Variants in PDPN observed in about 807,000 individuals in gnomAD.
The protein encoded by PDPN is podoplanin.
PDPN carries 12 observed loss-of-function variants against 23.2 expected under a neutral mutation model. The ratio of observed to expected loss-of-function variants is 0.52; its 90% CI spans 0.33 to 0.84. The LOEUF is 0.84. PDPN is among the 40% of genes least tolerant of loss of function. The pLI, the probability that PDPN is intolerant of heterozygous loss-of-function variation, is 0.02. For synonymous variants in PDPN, 77 were observed against 76.7 expected, an observed-to-expected ratio of 1.00 and a Z score of -0.02; for missense variants, 199 against 212.2, an observed-to-expected ratio of 0.94 and a Z score of 0.39.
intron 1 of PDPN, among the ~76,000 whole-genome samples, chr1:13,591,958 C>A (rs114443149): frequency 1.3e-5 from 2 of 152,220 alleles, no homozygotes; most frequent in African/African-American, 4.8e-5. Context: ...CTCCACATCC[C>A]CACCAACACT....
At chr1:13,592,819 GGATTACAGGC>G (rs1375954006) in intron 1 of PDPN, among the ~76,000 whole-genome samples, 1 of 152,078 alleles carries the variant, frequency 6.6e-6, no homozygotes, top group Non-Finnish European at 1.5e-5. Flanking sequence ...CAAAGTGCTG[GGATTACAGGC>G]GTGAGCCACC....
chr1:13,615,599 TTA>T (rs1641052521), intron 5 of PDPN, among the ~76,000 whole-genome samples: 1 of 152,078 alleles, frequency 6.6e-6, no homozygotes, highest in Admixed American at 6.5e-5. Flanking sequence ...AACCTTTTTC[TTA>T]TATGAGTTGG....
At chr1:13,606,252 C>T (rs1333605572) in intron 1 of PDPN, among the ~76,000 whole-genome samples, 1 of 152,114 alleles carries the variant, frequency 6.6e-6, no homozygotes. Flanking sequence ...GATCCACCCA[C>T]CTTGGCCTCT....
chr1:13,597,280 A>C (rs995987041), intron 1 of PDPN, among the ~76,000 whole-genome samples: 1 of 152,216 alleles, frequency 6.6e-6, no homozygotes, highest in East Asian at 1.9e-4. Flanking sequence ...TCATCCATCT[A>C]CAAAGACATT....
chr1:13,608,416 C>T (rs1044758784), intron 2 of PDPN, among the ~76,000 whole-genome samples: 1 of 152,188 alleles, frequency 6.6e-6, no homozygotes, highest in Non-Finnish European at 1.5e-5. Flanking sequence ...CTGACCTGTA[C>T]ACCAGCATCT....
chr1:13,587,649 C>T (rs1406485771), intron 1 of PDPN, among the ~76,000 whole-genome samples: 1 of 152,200 alleles, frequency 6.6e-6, no homozygotes, highest in African/African-American at 2.4e-5. Flanking sequence ...AGAGAATCAA[C>T]TGATGGAGGG....
chr1:13,606,712 TA>T, intron 1 of PDPN, among the ~76,000 whole-genome samples: 1 of 151,944 alleles, frequency 6.6e-6, no homozygotes, highest in East Asian at 1.9e-4. Flanking sequence ...AATAAAAAAA[TA>T]AAAAGATGGA....
chr1:13,605,287 C>G (rs1451978825), intron 1 of PDPN, among the ~76,000 whole-genome samples: 1 of 150,870 alleles, frequency 6.6e-6, no homozygotes, highest in Non-Finnish European at 1.5e-5. Context: ...TGCCTAGAGA[C>G]AAACAAACAT....
At chr1:13,587,685 T>C (rs779906197) in intron 1 of PDPN, among the ~76,000 whole-genome samples, 2 of 152,146 alleles carry the variant, frequency 1.3e-5, no homozygotes, top group Non-Finnish European at 2.9e-5. Context: ...AGTGGACAGT[T>C]ACTGTGATGA....
chr1:13,591,003 G>A (rs1362411148), intron 1 of PDPN, among the ~76,000 whole-genome samples: 5 of 151,834 alleles, frequency 3.3e-5, no homozygotes, highest in African/African-American at 4.8e-5. Flanking sequence ...GTGCAATGGC[G>A]CGATCTTGGC....
chr1:13,614,865 A>G (rs1458328868), intron 5 of PDPN: 2 of 506,486 alleles, frequency 3.9e-6, no homozygotes, highest in East Asian at 1.1e-4. Context: ...GTCTACTTAG[A>G]CCTTATAAAT....
At chr1:13,605,390 T>C (rs1474126038) in intron 1 of PDPN, among the ~76,000 whole-genome samples, 1 of 152,220 alleles carries the variant, frequency 6.6e-6, no homozygotes, top group South Asian at 2.1e-4. Context: ...CTGTATTTAG[T>C]CATGGAATTT....
intron 1 of PDPN, among the ~76,000 whole-genome samples, chr1:13,591,059 C>T (rs571555191): frequency 1.2e-4 from 18 of 152,004 alleles, no homozygotes; most frequent in East Asian, 3.9e-4. Flanking sequence ...CTCCTGCCTC[C>T]GTCTCCTGAG....
Position 13,583,861 on chromosome 1 carries a change from G to C in PDPN, c.-173G>C. On this transcript the variant is annotated 5_prime_UTR_variant, in exon 1 of 6. Coordinates refer to ENST00000621990, the MANE Select transcript of PDPN (RefSeq NM_006474.5). ...GCAAAGTTTGCTGTCCGGCTGCCTA[G>C]GGTCTGGGAAGCTCGGGCACCCTCC... The C allele has an allele frequency of 6.3e-7, 1 of 1,597,266 alleles. No homozygotes were observed. Among genetic ancestry groups the C allele is most frequent in the South Asian group, 1.1e-5 (1 of 89,262 alleles).
At chr1:13,593,994 T>C (rs536045664) in intron 1 of PDPN, among the ~76,000 whole-genome samples, 1 of 152,328 alleles carries the variant, frequency 6.6e-6, no homozygotes, top group Non-Finnish European at 1.5e-5. Flanking sequence ...GAAAAACGTC[T>C]CCCCATGTTG....
intron 1 of PDPN, among the ~76,000 whole-genome samples, chr1:13,601,671 G>C (rs939237000): frequency 1.3e-5 from 2 of 152,144 alleles, no homozygotes; most frequent in Non-Finnish European, 2.9e-5. Context: ...CATAGTATTG[G>C]AAAGAAAAGA....
intron 1 of PDPN, chr1:13,585,498 T>TGCTCAC: frequency 7.4e-7 from 1 of 1,346,088 alleles, no homozygotes; most frequent in Non-Finnish European, 9.8e-7. Flanking sequence ...CACCGTTTTG[T>TGCTCAC]GCTCACCAGG....
chr1:13,614,302 G>T lies in PDPN; in HGVS notation c.373G>T (p.Gly125Cys). The T allele has an allele frequency of 6.5e-7, 1 of 1,548,322 alleles. No homozygotes were observed. Among genetic ancestry groups the T allele is most frequent in the South Asian group, 1.1e-5 (1 of 89,378 alleles). The change falls in exon 5 of 6, where the codon GGT (glycine) becomes TGT (cysteine). Residue 125 changes from glycine to cysteine, a missense_variant and splice_region_variant. Transcript: ENST00000621990. The stretch of plus-strand genomic sequence containing the variant: ...CTTTTTTTCTCTCTCTTGTTCAGAT[G>T]GTTTGTCAACAGTGACCCTGGTTGG... ...GDTQTTVEKD[G>C]LSTVTLVGII...
chr1:13,607,765 G>C (rs557417782), intron 2 of PDPN, among the ~76,000 whole-genome samples: 1 of 152,138 alleles, frequency 6.6e-6, no homozygotes, highest in Non-Finnish European at 1.5e-5. Context: ...TACAATGAAA[G>C]TTTTCTTGGG....
Sources: allele counts gnomAD v4.1 joint callset (sites outside exome capture counted in the v4.1 genomes callset), GRCh38; gene constraint gnomAD v4.1.1; transcripts MANE v1.5; gene names NCBI Gene and HGNC (gene_info 2026-07-23, HGNC 2026-07-21).